PTPRD: variants seen among roughly 807,000 people sequenced by gnomAD.
The protein encoded by PTPRD is protein tyrosine phosphatase receptor type D, also known as receptor-type tyrosine-protein phosphatase delta.
In PTPRD, 34 loss-of-function variants were observed where a neutral mutation model predicts 214.5. The ratio of observed to expected loss-of-function variants is 0.16; its 90% CI spans 0.12 to 0.21. The LOEUF is 0.21. Among genes scored for constraint, PTPRD ranks in the 10% least tolerant of loss-of-function variants. The pLI is 1.00. For missense variants in PTPRD, 2,545 were observed against 2,398.7 expected, an observed-to-expected ratio of 1.06 and a Z score of -1.27; for synonymous variants, 1,128 against 845.7, an observed-to-expected ratio of 1.33 and a Z score of -5.79.
intron 3 of PTPRD, among the ~76,000 whole-genome samples, chr9:10,053,907 C>T (rs1589822891): frequency 6.6e-6 from 1 of 151,866 alleles, no homozygotes. Flanking sequence ...TACAGGTGTA[C>T]GCCAACACAC....
At chr9:9,803,849 A>G (rs1054857660) in intron 5 of PTPRD, 1 of 152,066 alleles carries the variant, frequency 6.6e-6, no homozygotes, top group Non-Finnish European at 1.5e-5. Flanking sequence ...GTGTAATGAA[A>G]TATCAGAAAG....
intron 2 of PTPRD, among the ~76,000 whole-genome samples, chr9:10,409,663 C>G (rs746535390): frequency 1.3e-5 from 2 of 151,802 alleles, no homozygotes; most frequent in East Asian, 1.9e-4. Context: ...TGACACTTTT[C>G]TCTTTAAATA....
intron 2 of PTPRD, among the ~76,000 whole-genome samples, chr9:10,548,448 C>G (rs138062824): frequency 6.6e-6 from 1 of 152,140 alleles, no homozygotes; most frequent in Non-Finnish European, 1.5e-5. Context: ...ACTATAGGAG[C>G]TTAAGTACTT....
intron 3 of PTPRD, among the ~76,000 whole-genome samples, chr9:10,180,097 T>C (rs1003590640): frequency 6.6e-6 from 1 of 152,084 alleles, no homozygotes; most frequent in African/African-American, 2.4e-5. Flanking sequence ...TAACCTTACA[T>C]CATCTATAAT....
chr9:8,376,701 C>T lies in PTPRD; in HGVS notation c.4412G>A (p.Ser1471Asn), dbSNP rs749139770. 3.0e-5 allele frequency: 48 copies of T among 1,612,884 alleles called. No individual in the cohort carries two copies. Among genetic ancestry groups the T allele is most frequent in the African/African-American group, 4.0e-5 (3 of 74,830 alleles). Residue 1471 changes from serine (S) to asparagine (N), a missense_variant, in exon 38 of 46, where the codon AGC (serine) becomes AAC (asparagine). Physicochemically the swap from Ser to Asn is conservative, Grantham distance 46. Coordinates refer to ENST00000381196, the MANE Select transcript of PTPRD (RefSeq NM_002839.4). ...GAGTCCGTGGGTTTCTGTGCCTCTG[C>T]TAGGCCAATACTGGTCACACTTCAC... Reference protein sequence around the residue: ...SRVKCDQYWPSRGTETHGLVQ... With the variant: ...SRVKCDQYWPNRGTETHGLVQ...
intron 27 of PTPRD, chr9:8,486,554 T>C: frequency 1.4e-6 from 1 of 696,698 alleles, no homozygotes; most frequent in Non-Finnish European, 2.6e-6. Context: ...GATACTAGAA[T>C]TTGATAATGG....
intron 4 of PTPRD, among the ~76,000 whole-genome samples, chr9:9,979,587 A>G (rs1234249026): frequency 2.0e-5 from 3 of 152,178 alleles, no homozygotes; most frequent in Non-Finnish European, 4.4e-5. Context: ...AAGTAGAACA[A>G]TGATCTCAAT....
intron 3 of PTPRD, among the ~76,000 whole-genome samples, chr9:10,139,732 G>T (rs973106755): frequency 1.3e-5 from 2 of 151,896 alleles, no homozygotes; most frequent in African/African-American, 2.4e-5. Flanking sequence ...CATGAATAAA[G>T]CCCTGTACCT....
chr9:8,348,104 G>C (rs768004860), intron 39 of PTPRD, among the ~76,000 whole-genome samples: 1 of 152,100 alleles, frequency 6.6e-6, no homozygotes, highest in Non-Finnish European at 1.5e-5. Flanking sequence ...GAAAGCCATC[G>C]GCTGAAAGGC....
At chr9:10,251,299 A>T (rs1486412950) in intron 3 of PTPRD, among the ~76,000 whole-genome samples, 1 of 152,218 alleles carries the variant, frequency 6.6e-6, no homozygotes, top group Non-Finnish European at 1.5e-5. Flanking sequence ...TCAAATTTTT[A>T]GACATGAATC....
chr9:8,640,061 G>T (rs1214077933), intron 12 of PTPRD, among the ~76,000 whole-genome samples: 2 of 152,056 alleles, frequency 1.3e-5, no homozygotes, highest in Non-Finnish European at 2.9e-5. Context: ...ATCCAGAGTG[G>T]CTGGGAGCAC....
At chr9:9,111,624 G>C (rs77587333) in intron 10 of PTPRD, among the ~76,000 whole-genome samples, 2,510 of 152,260 alleles carry the variant, frequency 0.016, 79 homozygotes, top group African/African-American at 0.058. Flanking sequence ...GGATAGAAGA[G>C]TACTGGTGTA....
chr9:10,038,581 A>G (rs2154139631), intron 3 of PTPRD, among the ~76,000 whole-genome samples: 1 of 152,246 alleles, frequency 6.6e-6, no homozygotes, highest in East Asian at 1.9e-4. Flanking sequence ...TGAAAATCAC[A>G]GAACTGATCC....
Position 9,164,993 on chromosome 9 carries a change from A to G in PTPRD, c.-143+18311T>C, listed in dbSNP as rs2099899577. Among the ~76,000 whole-genome samples, 4 of 150,884 alleles carry G rather than the reference A, an allele frequency of 2.7e-5. No homozygotes were observed. The South Asian group carries it at 8.4e-4, about 32-fold the overall frequency. On this transcript the variant is annotated intron_variant, in intron 10 of 45. Transcript: ENST00000381196. ...GCTTAACCCAAGAGGCAGAGGTTGC[A>G]GTGAGCTGAGATCATGCCACTGCAC...
chr9:8,433,217 AC>A (rs2095172839), intron 35 of PTPRD, among the ~76,000 whole-genome samples: 1 of 152,338 alleles, frequency 6.6e-6, no homozygotes, highest in African/African-American at 2.4e-5. Context: ...ACGTCCTAGC[AC>A]AGTGCATTAC....
chr9:9,144,646 C>T (rs551947970), intron 10 of PTPRD, among the ~76,000 whole-genome samples: 39 of 151,934 alleles, frequency 2.6e-4, no homozygotes, highest in Non-Finnish European at 5.2e-4. Context: ...CCAGCTACTC[C>T]GGAGGTTGAA....
chr9:8,321,353 C>T (rs910238588), intron 44 of PTPRD, among the ~76,000 whole-genome samples: 1 of 151,392 alleles, frequency 6.6e-6, no homozygotes, highest in East Asian at 2.0e-4. Context: ...ATTGGACTCA[C>T]AACTTTTCAA....
intron 11 of PTPRD, chr9:8,861,880 G>A (rs2098113201): frequency 6.6e-6 from 1 of 152,138 alleles, no homozygotes; most frequent in African/African-American, 2.4e-5. Flanking sequence ...GTTAGCTTAT[G>A]TCTAATACAC....
At chr9:9,146,417 T>A (rs549615474) in intron 10 of PTPRD, among the ~76,000 whole-genome samples, 2 of 152,182 alleles carry the variant, frequency 1.3e-5, no homozygotes, top group East Asian at 3.9e-4. Context: ...TCAATTAGGG[T>A]CTCTGATGTG....
Sources: allele counts gnomAD v4.1 joint callset (sites outside exome capture counted in the v4.1 genomes callset), GRCh38; gene constraint gnomAD v4.1.1; transcripts MANE v1.5; gene names NCBI Gene and HGNC (gene_info 2026-07-23, HGNC 2026-07-21).